OSBPL1A: variants seen among roughly 807,000 people sequenced by gnomAD.
OSBPL1A encodes oxysterol-binding protein-related protein 1.
OSBPL1A carries 80 observed loss-of-function variants against 137.1 expected under a neutral mutation model. The observed-to-expected ratio is 0.58, with a 90% CI of 0.49 to 0.70. The LOEUF (loss-of-function observed/expected upper bound fraction) is 0.70, where lower values mean the gene tolerates loss of function less well. Ranked by LOEUF, OSBPL1A falls within the 30% of genes least tolerant of loss-of-function variation. The pLI is 0.00. For synonymous variants in OSBPL1A, 365 were observed against 389.7 expected (o/e 0.94, Z 0.75); for missense variants, 970 against 1,129.4 (o/e 0.86, Z 2.02).
intron 17 of OSBPL1A, among the ~76,000 whole-genome samples, chr18:24,222,215 G>GTTGAAATGT (rs1307326547): frequency 1.4e-5 from 2 of 145,646 alleles, no homozygotes; most frequent in African/African-American, 5.7e-5. Context: ...GTTTAATTTT[G>GTTGAAATGT]TTGAAATGTT....
chr18:24,181,996 G>C (rs1459316420), intron 18 of OSBPL1A, among the ~76,000 whole-genome samples: 1 of 152,112 alleles, frequency 6.6e-6, no homozygotes, highest in Non-Finnish European at 1.5e-5. Flanking sequence ...CATTTGTCTT[G>C]TAACAACGGG....
chr18:24,331,449 T>G (rs1461791908), intron 7 of OSBPL1A, among the ~76,000 whole-genome samples: 3 of 146,568 alleles, frequency 2.0e-5, no homozygotes, highest in Non-Finnish European at 4.5e-5. Flanking sequence ...CAGGCTGGAG[T>G]GCAGTGGCGC....
At position 24,279,010 on chromosome 18, in the gene OSBPL1A, A is replaced by G. The variant is rs560417599; in HGVS notation, c.1281+1832T>C. ...CTGTGATAGTTAATATAATTCTATT[A>G]AAAGACTTTTGGTAAGTTTGTTTTA... On this transcript the variant is annotated intron_variant, in intron 15 of 27. Transcript: ENST00000319481. Among the ~76,000 whole-genome samples the G allele has an allele frequency of 3.9e-5, 6 of 152,338 alleles. No homozygotes were observed. The East Asian group carries it at 1.2e-3, about 29-fold the overall frequency.
chr18:24,253,726 G>A (rs1348067997), intron 15 of OSBPL1A, among the ~76,000 whole-genome samples: 2 of 152,154 alleles, frequency 1.3e-5, no homozygotes, highest in East Asian at 3.9e-4. Flanking sequence ...TGGCAGAACT[G>A]GTTGAGCCAG....
chr18:24,361,190 T>G (rs1193170115), intron 4 of OSBPL1A, among the ~76,000 whole-genome samples: 2 of 152,094 alleles, frequency 1.3e-5, no homozygotes, highest in Non-Finnish European at 2.9e-5. Context: ...CTACCACATC[T>G]GGCTAATTTT....
chr18:24,387,611 C>T (rs1025908585), intron 1 of OSBPL1A, among the ~76,000 whole-genome samples: 32 of 152,044 alleles, frequency 2.1e-4, no homozygotes, highest in African/African-American at 6.8e-4. Flanking sequence ...GATGGGGACT[C>T]GCTTTGTTGC....
chr18:24,279,001 A>G (rs900117781), intron 15 of OSBPL1A, among the ~76,000 whole-genome samples: 10 of 152,204 alleles, frequency 6.6e-5, no homozygotes, highest in African/African-American at 2.4e-4. Context: ...TAGTTAATAT[A>G]ATTCTATTAA....
intron 17 of OSBPL1A, among the ~76,000 whole-genome samples, chr18:24,220,644 C>T (rs1217180741): frequency 1.3e-5 from 2 of 152,110 alleles, no homozygotes; most frequent in Admixed American, 1.3e-4. Context: ...CTGGTCACTA[C>T]ATGATGAGGA....
At chr18:24,392,817 A>C (rs2144289745) in intron 1 of OSBPL1A, among the ~76,000 whole-genome samples, 1 of 152,232 alleles carries the variant, frequency 6.6e-6, no homozygotes, top group Non-Finnish European at 1.5e-5. Flanking sequence ...TGGCCTCCTG[A>C]GTAGCTGGGA....
At chr18:24,292,541 G>A (rs769706997) in intron 14 of OSBPL1A, among the ~76,000 whole-genome samples, 17 of 152,046 alleles carry the variant, frequency 1.1e-4, no homozygotes, top group South Asian at 6.2e-4. Flanking sequence ...AAAGAGAGAC[G>A]GCGAGAGAGA....
chr18:24,180,245 A>G (rs1308662705), intron 19 of OSBPL1A, among the ~76,000 whole-genome samples: 2 of 152,238 alleles, frequency 1.3e-5, no homozygotes, highest in Non-Finnish European at 2.9e-5. Context: ...TGACTTATAT[A>G]GATGAAAGGA....
intron 2 of OSBPL1A, among the ~76,000 whole-genome samples, chr18:24,374,269 T>C (rs1905908603): frequency 6.6e-6 from 1 of 152,210 alleles, no homozygotes; most frequent in South Asian, 2.1e-4. Context: ...ATTGCAAAGA[T>C]GCTATTTCTT....
intron 17 of OSBPL1A, among the ~76,000 whole-genome samples, chr18:24,199,924 A>T (rs1358744802): frequency 6.6e-6 from 1 of 152,202 alleles, no homozygotes; most frequent in African/African-American, 2.4e-5. Context: ...CTACAACGTC[A>T]GCAGTGCCAG....
intron 17 of OSBPL1A, among the ~76,000 whole-genome samples, chr18:24,220,646 T>C (rs975922524): frequency 1.3e-5 from 2 of 152,092 alleles, no homozygotes; most frequent in Non-Finnish European, 2.9e-5. Flanking sequence ...GGTCACTACA[T>C]GATGAGGAAT....
At chr18:24,216,760 T>A (rs981629179) in intron 17 of OSBPL1A, among the ~76,000 whole-genome samples, 1 of 152,094 alleles carries the variant, frequency 6.6e-6, no homozygotes, top group African/African-American at 2.4e-5. Flanking sequence ...ATCGGTTATT[T>A]TTTTTTTTAA....
intron 1 of OSBPL1A, among the ~76,000 whole-genome samples, chr18:24,385,870 G>A (rs1906931845): frequency 6.6e-6 from 1 of 152,214 alleles, no homozygotes; most frequent in Non-Finnish European, 1.5e-5. Context: ...ACCTGGGCAT[G>A]TTTAAAGATT....
At chr18:24,274,597 G>T (rs2089801610) in intron 15 of OSBPL1A, among the ~76,000 whole-genome samples, 1 of 152,036 alleles carries the variant, frequency 6.6e-6, no homozygotes, top group South Asian at 2.1e-4. Flanking sequence ...TACATAGGCA[G>T]ATGAAAAAAT....
At chr18:24,383,954 G>C (rs1950455408) in intron 1 of OSBPL1A, among the ~76,000 whole-genome samples, 1 of 152,134 alleles carries the variant, frequency 6.6e-6, no homozygotes, top group Non-Finnish European at 1.5e-5. Flanking sequence ...TCCAGAACAG[G>C]GCAAACATGC....
At chr18:24,217,581 A>G (rs772989551) in intron 17 of OSBPL1A, among the ~76,000 whole-genome samples, 2 of 152,124 alleles carry the variant, frequency 1.3e-5, no homozygotes, top group African/African-American at 2.4e-5. Flanking sequence ...ATAGATTTTC[A>G]GCTAATAAAT....
Sources: gnomAD v4.1 joint callset for allele counts (sites outside exome capture counted in the v4.1 genomes callset) on GRCh38, gnomAD v4.1.1 for gene constraint, MANE v1.5 for transcripts, NCBI Gene and HGNC (gene_info 2026-07-23, HGNC 2026-07-21) for gene names.